The following BLNK variants were observed in gnomAD, a reference collection of about 807,000 sequenced individuals.
The protein encoded by BLNK is B cell linker.
Under a neutral mutation model 73.5 loss-of-function variants are expected in BLNK, and 29 were observed. The observed-to-expected ratio is 0.39, with a 90% confidence interval of 0.29 to 0.54. The LOEUF is 0.54. BLNK is among the 20% of genes least tolerant of loss of function. The pLI, the probability that BLNK is intolerant of heterozygous loss-of-function variation, is 0.61. For synonymous variants in BLNK, 176 were observed against 200.8 expected (o/e 0.88, Z 1.04); for missense variants, 460 against 562.8 (o/e 0.82, Z 1.85).
intron 1 of BLNK, among the ~76,000 whole-genome samples, chr10:96,255,718 C>T (rs372086419): frequency 2.5e-4 from 38 of 152,320 alleles, no homozygotes; most frequent in African/African-American, 9.1e-4. Flanking sequence ...GGCTGGTCCT[C>T]CTCTCTGAGC....
intron 1 of BLNK, among the ~76,000 whole-genome samples, chr10:96,249,322 C>A (rs145125316): frequency 2.0e-5 from 3 of 152,196 alleles, no homozygotes; most frequent in Non-Finnish European, 4.4e-5. Flanking sequence ...TTAGAATGCC[C>A]GTGCGGTGGA....
intron 7 of BLNK, 45 bp downstream of exon 7, chr10:96,216,608 T>G: frequency 6.5e-7 from 1 of 1,528,590 alleles, no homozygotes; most frequent in Non-Finnish European, 9.1e-7. Flanking sequence ...TACATCCTGA[T>G]CAACTGCTAA....
chr10:96,259,407 G>A (rs1320809758), intron 1 of BLNK, among the ~76,000 whole-genome samples: 1 of 152,168 alleles, frequency 6.6e-6, no homozygotes, highest in African/African-American at 2.4e-5. Context: ...CACATGGGAG[G>A]CAGGAGGGAA....
intron 1 of BLNK, among the ~76,000 whole-genome samples, chr10:96,270,454 G>A (rs963033807): frequency 1.6e-4 from 25 of 152,074 alleles, no homozygotes; most frequent in African/African-American, 5.6e-4. Flanking sequence ...ATCACACACC[G>A]GGGCCTGTCA....
intron 2 of BLNK, 57 bp from the exon 3 acceptor site, chr10:96,242,841 C>G: frequency 1.4e-6 from 2 of 1,427,898 alleles, no homozygotes; most frequent in Non-Finnish European, 2.0e-6. Flanking sequence ...ATGGTCAAAG[C>G]CGATGCTAGA....
At chr10:96,217,004 A>G (rs1200148909) in intron 6 of BLNK, among the ~76,000 whole-genome samples, 3 of 152,178 alleles carry the variant, frequency 2.0e-5, no homozygotes, top group African/African-American at 7.2e-5. Context: ...CTAGTCGACC[A>G]CAAATCTACT....
rs1554893433 is a variant in BLNK, at chr10:96,191,487, T to A, written c.*486A>T. ...GTGCTCACAAAAAGGAACCATTACA[T>A]CCTTCTTGCCTATACTTACAGATAT... On this transcript the variant is annotated 3_prime_UTR_variant, in exon 17 of 17. Transcript: ENST00000224337. Among the ~76,000 whole-genome samples, 1 of 152,044 alleles carries A rather than the reference T, an allele frequency of 6.6e-6. No individual in the cohort carries two copies.
At chr10:96,231,819 A>G (rs1180866098) in intron 3 of BLNK, among the ~76,000 whole-genome samples, 2 of 152,138 alleles carry the variant, frequency 1.3e-5, no homozygotes, top group East Asian at 3.8e-4. Context: ...AGATAGTGTA[A>G]TAAATGGCAG....
rs782736210 is a variant in BLNK at position 96,191,969 on chromosome 10, C to G, written c.*4G>C. On this transcript the variant is annotated 3_prime_UTR_variant, in exon 17 of 17. Transcript: ENST00000224337. ...GCAATGGTATTGATCTTTTTTTTCC[C>G]CCTTTATGAAACTTTAACTGCATAC... is the stretch of plus-strand genomic sequence containing the variant. 3 of 1,612,948 alleles carry G rather than the reference C, an allele frequency of 1.9e-6. No individual in the cohort carries two copies. The South Asian group carries it at 3.3e-5, about 18-fold the overall frequency.
At chr10:96,198,674 A>G (rs1188171355) in intron 15 of BLNK, among the ~76,000 whole-genome samples, 3 of 152,188 alleles carry the variant, frequency 2.0e-5, no homozygotes, top group Non-Finnish European at 4.4e-5. Context: ...CTACTAGGAT[A>G]TGAAAAAACA....
In BLNK at chr10:96,207,395, C is replaced by G. The variant is rs115403688; in HGVS notation, c.775-342G>C. 6.2e-3 allele frequency among the ~76,000 whole-genome samples: 940 copies of G among 152,314 alleles called. 6 individuals carry two copies. Among genetic ancestry groups the G allele is most frequent in the African/African-American group, 0.022 (900 of 41,572 alleles). On this transcript the variant is annotated intron_variant, in intron 10 of 16. Transcript: ENST00000224337. Reference sequence around the variant, plus strand: ...ATCTGCTTTGGTCTCATGACCCCCCCCTTCTGTGTGTTTGCTAAATGATTG... The same window carrying G: ...ATCTGCTTTGGTCTCATGACCCCCCGCTTCTGTGTGTTTGCTAAATGATTG...
intron 7 of BLNK, 75 bp from the exon 8 acceptor site, chr10:96,215,464 A>C (rs2084043861): frequency 1.4e-6 from 2 of 1,382,624 alleles, no homozygotes; most frequent in Non-Finnish European, 2.0e-6. Flanking sequence ...GCCATTGAGG[A>C]AAATTCACAC....
Position 96,189,472 on chromosome 10 carries a change from CT to C in BLNK, c.*2500del, listed in dbSNP as rs1410884492. On this transcript the variant is annotated 3_prime_UTR_variant, in exon 17 of 17. Coordinates refer to ENST00000224337, the MANE Select transcript of BLNK (RefSeq NM_013314.4). ...GCTTCCACTTTGGGAAGAGAACCACCTTTTTCTATACTTGCTTGCATTTTTG... is the reference window on the plus strand; with the variant it reads ...GCTTCCACTTTGGGAAGAGAACCACCTTTTCTATACTTGCTTGCATTTTTG... 1.1e-5 allele frequency: 7 copies of C among 630,236 alleles called. No homozygotes were observed. Among genetic ancestry groups the C allele is most frequent in the African/African-American group, 9.0e-5 (5 of 55,568 alleles). 39.0% of individuals were successfully genotyped at this position (630,236 alleles called of 1,614,324 possible).
chr10:96,265,705 A>G (rs1843968692), intron 1 of BLNK, among the ~76,000 whole-genome samples: 1 of 152,250 alleles, frequency 6.6e-6, no homozygotes, highest in Admixed American at 6.5e-5. Context: ...CTGAACTTTA[A>G]ATACACGTTG....
At chr10:96,204,426 T>C in intron 12 of BLNK, 106 bp downstream of exon 12, 2 of 1,287,596 alleles carry the variant, frequency 1.6e-6, no homozygotes, top group East Asian at 2.3e-5. Flanking sequence ...AAATGTTGGA[T>C]TTTTACCTAG....
At chr10:96,204,309 G>A in intron 12 of BLNK, 1 of 701,944 alleles carries the variant, frequency 1.4e-6, no homozygotes, top group South Asian at 1.8e-5. Flanking sequence ...CTAAAGTATT[G>A]TATTTTAGTC....
At chr10:96,244,836 T>A (rs1314543647) in intron 2 of BLNK, among the ~76,000 whole-genome samples, 8 of 152,206 alleles carry the variant, frequency 5.3e-5, no homozygotes, top group African/African-American at 1.9e-4. Flanking sequence ...GGCTATGGAA[T>A]AGAGAGACAT....
chr10:96,190,340 T>A lies in BLNK; in HGVS notation c.*1633A>T. The A allele has an allele frequency of 3.7e-6, 2 of 547,076 alleles. No homozygotes were observed. The highest frequency in any genetic ancestry group is 6.6e-6 in the Non-Finnish European group (2 of 301,950). 33.9% of individuals were successfully genotyped at this position (547,076 alleles called of 1,614,324 possible). ...AGTATTGTTCCTGTGTGTCTCTTCA[T>A]ATAGTCTTCTCTCTGTGCCTGCATC... On this transcript the variant is annotated 3_prime_UTR_variant, in exon 17 of 17. Coordinates refer to ENST00000224337, the MANE Select transcript of BLNK (RefSeq NM_013314.4).
At chr10:96,271,070 G>A (rs1844248693) in intron 1 of BLNK, among the ~76,000 whole-genome samples, 1 of 152,248 alleles carries the variant, frequency 6.6e-6, no homozygotes, top group East Asian at 1.9e-4. Context: ...TAAGCCCTTG[G>A]CATTTGTTTT....
Sources: gnomAD v4.1 joint callset for allele counts (sites outside exome capture counted in the v4.1 genomes callset) on GRCh38, gnomAD v4.1.1 for gene constraint, MANE v1.5 for transcripts, NCBI Gene and HGNC (gene_info 2026-07-23, HGNC 2026-07-21) for gene names.